The following ST3GAL3 variants were observed in gnomAD, a reference collection of about 807,000 sequenced individuals.
ST3GAL3 encodes ST3 beta-galactoside alpha-2,3-sialyltransferase 3, also known as CMP-N-acetylneuraminate-beta-1,4-galactoside alpha-2,3-sialyltransferase.
A neutral mutation model predicts 50.1 loss-of-function variants in ST3GAL3; 21 were observed. The observed-to-expected ratio is 0.42, with a 90% CI of 0.30 to 0.60. ST3GAL3 has a LOEUF of 0.60. Among genes scored for constraint, ST3GAL3 ranks in the 20% least tolerant of loss-of-function variants. The pLI, the probability that ST3GAL3 is intolerant of heterozygous loss-of-function variation, is 0.19. For missense variants in ST3GAL3, 353 were observed against 489.4 expected, an observed-to-expected ratio of 0.72 and a Z score of 2.63; for synonymous variants, 183 against 190.0, an observed-to-expected ratio of 0.96 and a Z score of 0.30.
In ST3GAL3 at chr1:43,720,455, CAG is replaced by C. The variant is rs1669862632; in HGVS notation, c.-31+12764_-31+12765del. 2.6e-5 allele frequency: 4 copies of C among 152,276 alleles called. No individual in the cohort carries two copies. The South Asian group carries it at 8.3e-4, about 32-fold the overall frequency. 9.4% of individuals were successfully genotyped at this position (152,276 alleles called of 1,614,324 possible). A position where few individuals can be genotyped will look rare whatever the true frequency, so the allele number is the denominator to read the frequency against. ...CTAAGACTGGATAATTTATAAAAAA[CAG>C]ATTTATTTCTTACAGTTTTGGAGGC... is the stretch of plus-strand genomic sequence containing the variant. On this transcript the variant is annotated intron_variant, in intron 1 of 11. Transcript: ENST00000347631.
intron 3 of ST3GAL3, among the ~76,000 whole-genome samples, chr1:43,793,026 T>G (rs946647894): frequency 1.3e-5 from 2 of 152,086 alleles, no homozygotes; most frequent in African/African-American, 4.8e-5. Context: ...TCCTTAGATA[T>G]GGTAGATTGA....
intron 2 of ST3GAL3, among the ~76,000 whole-genome samples, chr1:43,761,729 T>A (rs1479092043): frequency 6.6e-6 from 1 of 151,174 alleles, no homozygotes; most frequent in Non-Finnish European, 1.5e-5. Context: ...GGTGGGCGGA[T>A]CACGAGGTCA....
chr1:43,774,582 C>A (rs1164013294), intron 2 of ST3GAL3, among the ~76,000 whole-genome samples: 1 of 152,154 alleles, frequency 6.6e-6, no homozygotes, highest in Non-Finnish European at 1.5e-5. Context: ...AGATGACTCA[C>A]CTCTGTGGAA....
chr1:43,812,246 G>GA (rs145902657), intron 3 of ST3GAL3, among the ~76,000 whole-genome samples: 1 of 152,072 alleles, frequency 6.6e-6, no homozygotes, highest in Non-Finnish European at 1.5e-5. Flanking sequence ...TTCCTGGCTT[G>GA]AAAAAAATCT....
At chr1:43,898,131 C>A in intron 6 of ST3GAL3, 104 bp from the exon 7 acceptor site, 2 of 1,251,548 alleles carry the variant, frequency 1.6e-6, no homozygotes, top group Non-Finnish European at 2.3e-6. Flanking sequence ...CTTCCACTTT[C>A]ACTCTAGCCC....
At chr1:43,833,909 T>C (rs1030713024) in intron 4 of ST3GAL3, among the ~76,000 whole-genome samples, 1 of 152,168 alleles carries the variant, frequency 6.6e-6, no homozygotes, top group African/African-American at 2.4e-5. Flanking sequence ...AGGCCAGCCC[T>C]TCCAGTTTTG....
At position 43,799,052 on chromosome 1, in the gene ST3GAL3, AAAAC is replaced by A. The variant is rs563498094; in HGVS notation, c.166+6913_166+6916del. Reference sequence around the variant, plus strand: ...ATGTCGAGGATATTGTTGAGTGAACAAAACAAACAAACAGCATGCATATTAAGGC... The same window carrying A: ...ATGTCGAGGATATTGTTGAGTGAACAAAACAAACAGCATGCATATTAAGGC... On this transcript the variant is annotated intron_variant, in intron 3 of 11. Coordinates refer to ENST00000347631, the MANE Select transcript of ST3GAL3 (RefSeq NM_006279.5). 7.0e-4 allele frequency among the ~76,000 whole-genome samples: 106 copies of A among 152,360 alleles called. 1 individual carries two copies. In the South Asian group the frequency reaches 0.012, roughly 18 times the overall value.
intron 4 of ST3GAL3, among the ~76,000 whole-genome samples, chr1:43,823,499 T>C (rs945366825): frequency 2.6e-5 from 4 of 152,340 alleles, no homozygotes; most frequent in East Asian, 1.9e-4. Context: ...TAGAACATAG[T>C]TCAAATGTCA....
At chr1:43,780,435 C>CA (rs1231883209) in intron 2 of ST3GAL3, among the ~76,000 whole-genome samples, 5 of 151,994 alleles carry the variant, frequency 3.3e-5, no homozygotes, top group African/African-American at 7.3e-5. Flanking sequence ...CTTTTAAGCT[C>CA]AAAAAAACTC....
intron 4 of ST3GAL3, among the ~76,000 whole-genome samples, chr1:43,830,404 G>A (rs1439754133): frequency 6.6e-6 from 1 of 152,100 alleles, no homozygotes; most frequent in Non-Finnish European, 1.5e-5. Flanking sequence ...ACCATAGTAT[G>A]TATGTGTTTT....
chr1:43,929,946 T>G, intron 11 of ST3GAL3, 186 bp from the exon 12 acceptor site: 1 of 748,000 alleles, frequency 1.3e-6, no homozygotes, highest in Non-Finnish European at 2.5e-6. Flanking sequence ...GGGAGGAGGA[T>G]GAGCTGTGGC....
intron 9 of ST3GAL3, among the ~76,000 whole-genome samples, chr1:43,915,469 G>T (rs1340242267): frequency 1.3e-5 from 2 of 152,206 alleles, no homozygotes; most frequent in African/African-American, 4.8e-5. Flanking sequence ...TCTGCACATG[G>T]TGAGTGAGCA....
chr1:43,921,866 CCCAGCTCCCATCAAGGTCACCACCT>C (rs2083083480), intron 11 of ST3GAL3: 1 of 398,044 alleles, frequency 2.5e-6, no homozygotes, highest in South Asian at 1.4e-4. Context: ...TCACACCTGA[CCCAGCTCCCATCAAGGTCACCACCT>C]CAAGGTGGCC....
At chr1:43,857,582 C>CATT (rs2068776936) in intron 5 of ST3GAL3, among the ~76,000 whole-genome samples, 1 of 93,748 alleles carries the variant, frequency 1.1e-5, no homozygotes. Flanking sequence ...TTTCCTTCCT[C>CATT]CCTCCCTTCC....
intron 5 of ST3GAL3, chr1:43,879,211 T>C: frequency 2.2e-6 from 1 of 448,812 alleles, no homozygotes; most frequent in South Asian, 1.6e-5. Context: ...AAAAGGCTTG[T>C]ATTTAAGGAC....
chr1:43,884,307 C>G (rs2075627212), intron 5 of ST3GAL3, among the ~76,000 whole-genome samples: 1 of 152,246 alleles, frequency 6.6e-6, no homozygotes, highest in Admixed American at 6.5e-5. Context: ...CCCACCTGCT[C>G]TTAAACTTAC....
intron 1 of ST3GAL3, among the ~76,000 whole-genome samples, chr1:43,721,517 T>A (rs1670453671): frequency 6.6e-6 from 1 of 151,980 alleles, no homozygotes; most frequent in East Asian, 1.9e-4. Flanking sequence ...TTGGTCAGGC[T>A]GGTCTCGAAC....
At chr1:43,824,387 G>A (rs373125273) in intron 4 of ST3GAL3, among the ~76,000 whole-genome samples, 4 of 151,728 alleles carry the variant, frequency 2.6e-5, no homozygotes, top group African/African-American at 9.7e-5. Context: ...AGAGGAAAGG[G>A]GTGTGTGTGT....
At chr1:43,894,651 T>C (rs1307339712) in intron 6 of ST3GAL3, among the ~76,000 whole-genome samples, 174 bp downstream of exon 6, 1 of 151,896 alleles carries the variant, frequency 6.6e-6, no homozygotes, top group Non-Finnish European at 1.5e-5. Flanking sequence ...GTTTGTTTTT[T>C]TTTTTTGAGA....
Sources: gnomAD v4.1 joint callset for allele counts (sites outside exome capture counted in the v4.1 genomes callset) on GRCh38, gnomAD v4.1.1 for gene constraint, MANE v1.5 for transcripts, NCBI Gene and HGNC (gene_info 2026-07-23, HGNC 2026-07-21) for gene names.